Variants in RORA observed in about 807,000 individuals in gnomAD.
RORA encodes the protein nuclear receptor ROR-alpha.
A neutral mutation model predicts 69.5 loss-of-function variants in RORA; 7 were observed. That is an observed-to-expected ratio of 0.10 (90% CI 0.06 to 0.19). RORA has a LOEUF of 0.19. RORA is among the 10% of genes least tolerant of loss of function. The pLI is 1.00. For synonymous variants in RORA, 261 were observed against 240.8 expected (o/e 1.08, Z -0.78); for missense variants, 457 against 663.0 (o/e 0.69, Z 3.41).
chr15:61,093,972 A>C (rs989320930), intron 1 of RORA, among the ~76,000 whole-genome samples: 25 of 152,204 alleles, frequency 1.6e-4, no homozygotes, highest in African/African-American at 6.0e-4. Context: ...TTCCGTCGCC[A>C]AGTCCTTCAA....
chr15:61,013,751 C>T (rs1895171917), intron 1 of RORA, among the ~76,000 whole-genome samples: 2 of 145,248 alleles, frequency 1.4e-5, no homozygotes, highest in African/African-American at 5.1e-5. Context: ...AGTAAAGTCT[C>T]AGTTACTATA....
At chr15:60,753,737 T>A (rs2071759512) in intron 1 of RORA, among the ~76,000 whole-genome samples, 1 of 152,260 alleles carries the variant, frequency 6.6e-6, no homozygotes, top group Admixed American at 6.5e-5. Flanking sequence ...TGAAGCACTC[T>A]GCAAATACAA....
At position 60,775,953 on chromosome 15, in the gene RORA, C is replaced by T. The variant is rs2072160092; in HGVS notation, c.167-97267G>A. Among the ~76,000 whole-genome samples, 3 of 152,196 alleles carry T rather than the reference C, an allele frequency of 2.0e-5. No individual in the cohort carries two copies. The East Asian group carries it at 5.8e-4, about 29-fold the overall frequency. ...CTCCTTCTACCCTTTGACTCCATCTCCTCCATCCCTAAGTGCCAGAGGAGG... is the reference window on the plus strand; with the variant it reads ...CTCCTTCTACCCTTTGACTCCATCTTCTCCATCCCTAAGTGCCAGAGGAGG... On this transcript the variant is annotated intron_variant, in intron 1 of 10. Coordinates refer to ENST00000335670, the MANE Select transcript of RORA (RefSeq NM_134261.3).
chr15:61,215,440 A>T (rs1476703832), intron 1 of RORA, among the ~76,000 whole-genome samples: 2 of 152,248 alleles, frequency 1.3e-5, no homozygotes, highest in African/African-American at 2.4e-5. Flanking sequence ...GGGTTCTCAG[A>T]CATGGTAATA....
chr15:61,058,080 C>T (rs887779959), intron 1 of RORA, among the ~76,000 whole-genome samples: 2 of 152,068 alleles, frequency 1.3e-5, no homozygotes, highest in African/African-American at 4.8e-5. Context: ...GGGAGGCCTC[C>T]TGAAAGAGGA....
chr15:60,718,437 C>T (rs1355760389), intron 1 of RORA, among the ~76,000 whole-genome samples: 1 of 152,000 alleles, frequency 6.6e-6, no homozygotes, highest in African/African-American at 2.4e-5. Flanking sequence ...AAAAATGAGT[C>T]CGGTAAATGA....
At chr15:60,915,527 C>T (rs961737056) in intron 1 of RORA, among the ~76,000 whole-genome samples, 3 of 152,236 alleles carry the variant, frequency 2.0e-5, no homozygotes, top group South Asian at 2.1e-4. Flanking sequence ...TCCATGGTGG[C>T]GCGAATACTC....
chr15:60,831,106 T>A (rs2140391017), intron 1 of RORA, among the ~76,000 whole-genome samples: 1 of 152,286 alleles, frequency 6.6e-6, no homozygotes, highest in South Asian at 2.1e-4. Flanking sequence ...TTGGGGAACA[T>A]TAAATAAGCT....
intron 1 of RORA, among the ~76,000 whole-genome samples, chr15:61,091,034 C>T (rs1352206572): frequency 1.3e-5 from 2 of 152,146 alleles, no homozygotes; most frequent in South Asian, 4.1e-4. Flanking sequence ...ACATCTGCTT[C>T]GGAAACAGAT....
intron 2 of RORA, among the ~76,000 whole-genome samples, chr15:60,554,176 A>G (rs1185035608): frequency 6.6e-6 from 1 of 152,140 alleles, no homozygotes; most frequent in African/African-American, 2.4e-5. Flanking sequence ...TGATTTGCTG[A>G]TAATTGATTT....
chr15:60,707,988 T>A (rs1207230281), intron 1 of RORA, among the ~76,000 whole-genome samples: 1 of 151,956 alleles, frequency 6.6e-6, no homozygotes, highest in East Asian at 1.9e-4. Context: ...AGTTCATGTT[T>A]ACCACCCATT....
chr15:60,733,958 G>T (rs1487197390), intron 1 of RORA, among the ~76,000 whole-genome samples: 1 of 149,902 alleles, frequency 6.7e-6, no homozygotes, highest in Admixed American at 6.6e-5. Flanking sequence ...GAGAGAGAAA[G>T]AGAAAGGAAT....
intron 1 of RORA, among the ~76,000 whole-genome samples, chr15:60,893,263 C>T (rs1377215042): frequency 6.6e-6 from 1 of 152,200 alleles, no homozygotes; most frequent in Non-Finnish European, 1.5e-5. Flanking sequence ...GGATGCTCGA[C>T]AGCAATTAGC....
chr15:60,934,821 T>C (rs1337932438), intron 1 of RORA, among the ~76,000 whole-genome samples: 3 of 152,216 alleles, frequency 2.0e-5, no homozygotes, highest in South Asian at 4.1e-4. Context: ...TCTGCTCCAT[T>C]ACAATCTGTC....
intron 1 of RORA, among the ~76,000 whole-genome samples, chr15:61,153,024 G>A (rs917370645): frequency 8.5e-5 from 13 of 152,132 alleles, no homozygotes; most frequent in African/African-American, 3.1e-4. Context: ...TTTGAAGGGT[G>A]GGTAGGTGTG....
chr15:60,827,085 A>G (rs1217997454), intron 1 of RORA, among the ~76,000 whole-genome samples: 3 of 152,186 alleles, frequency 2.0e-5, no homozygotes, highest in Non-Finnish European at 4.4e-5. Context: ...TGGGTATCAG[A>G]TTCAAAGTGT....
At chr15:60,844,379 C>T (rs2073238219) in intron 1 of RORA, among the ~76,000 whole-genome samples, 1 of 152,252 alleles carries the variant, frequency 6.6e-6, no homozygotes, top group South Asian at 2.1e-4. Flanking sequence ...CTCCAAGTTC[C>T]CAAATGGAAA....
At chr15:61,011,359 G>A (rs756755101) in intron 1 of RORA, among the ~76,000 whole-genome samples, 34 of 152,170 alleles carry the variant, frequency 2.2e-4, no homozygotes, top group Non-Finnish European at 4.0e-4. Flanking sequence ...AGAAATGTGG[G>A]AAGGAACTCT....
intron 1 of RORA, among the ~76,000 whole-genome samples, chr15:60,940,669 T>C (rs938804630): frequency 6.6e-6 from 1 of 152,198 alleles, no homozygotes; most frequent in Non-Finnish European, 1.5e-5. Flanking sequence ...GTAGTCAGCC[T>C]GTAATCCCAG....
Sources: allele counts gnomAD v4.1 joint callset (sites outside exome capture counted in the v4.1 genomes callset), GRCh38; gene constraint gnomAD v4.1.1; transcripts MANE v1.5; gene names NCBI Gene and HGNC (gene_info 2026-07-23, HGNC 2026-07-21).